Variants in SLC25A29 observed in about 807,000 individuals in gnomAD.
SLC25A29 encodes solute carrier family 25 member 29.
SLC25A29 carries 13 observed loss-of-function variants against 10.0 expected under a neutral mutation model. That is an observed-to-expected ratio of 1.30 (90% CI 0.85 to 2.07). The LOEUF (loss-of-function observed/expected upper bound fraction) is 2.07, where lower values mean the gene tolerates loss of function less well. Among genes scored for constraint, SLC25A29 ranks in the 30% most tolerant of loss-of-function variants. The pLI, the probability that SLC25A29 is intolerant of heterozygous loss-of-function variation, is 0.00. For missense variants in SLC25A29, 475 were observed against 447.6 expected (o/e 1.06, Z -0.55); for synonymous variants, 244 against 221.1 (o/e 1.10, Z -0.92).
At chr14:100,303,848 G>A (rs1892727567) in intron 1 of SLC25A29, among the ~76,000 whole-genome samples, 2 of 152,088 alleles carry the variant, frequency 1.3e-5, no homozygotes, top group Admixed American at 6.6e-5. Context: ...AGTGGAAGAG[G>A]CACCCTTCCC....
Position 100,292,927 on chromosome 14 carries a change from C to G in SLC25A29, c.268G>C (p.Asp90His). The stretch of plus-strand genomic sequence containing the variant: ...GCCAGGAACTGGTTGAGGGGCGAGT[C>G]GTGGCCCAGGGCCCGGAGGGTGTTG... ...QGNTLRALGHDSPLNQFLAGA... is the reference protein window; with the variant it reads ...QGNTLRALGHHSPLNQFLAGA... The change falls in exon 4 of 4, where the codon GAC becomes CAC. Residue 90 changes from aspartate (D) to histidine (H), a missense_variant. By Grantham distance (81) the Asp-to-His change is moderately conservative. Transcript: ENST00000359232. 1.2e-6 allele frequency: 2 copies of G among 1,607,810 alleles called. No individual in the cohort carries two copies. Among genetic ancestry groups the G allele is most frequent in the Non-Finnish European group, 1.7e-6 (2 of 1,178,072 alleles).
chr14:100,299,914 G>C (rs926793113), intron 1 of SLC25A29: 119 of 985,336 alleles, frequency 1.2e-4, no homozygotes, highest in Non-Finnish European at 1.4e-4. Context: ...GCCTGTGGAA[G>C]TTACTATGCA....
chr14:100,288,865 G>A (rs930329838), downstream of SLC25A29, among the ~76,000 whole-genome samples: 6 of 152,170 alleles, frequency 3.9e-5, no homozygotes, highest in South Asian at 4.1e-4. Flanking sequence ...AGAAAAATCC[G>A]TTCAAGTCCT....
rs749749088 is a variant in SLC25A29 at position 100,298,804 on chromosome 14, G to C, written c.78+38C>G. ...CCAACCCTGTGAGCCTCTCTCCAATGTACGCGCCGAGGAAAAAAAAGCAGC... is the reference window on the plus strand; with the variant it reads ...CCAACCCTGTGAGCCTCTCTCCAATCTACGCGCCGAGGAAAAAAAAGCAGC... On this transcript the variant is annotated intron_variant, in intron 2 of 3. Transcript: ENST00000359232. 4 of 1,613,844 alleles carry C rather than the reference G, an allele frequency of 2.5e-6. No homozygotes were observed. In the African/African-American group the frequency reaches 5.3e-5, roughly 22 times the overall value.
At chr14:100,296,107 A>T in intron 2 of SLC25A29, 1 of 1,074,194 alleles carries the variant, frequency 9.3e-7, no homozygotes, top group South Asian at 1.5e-5. Context: ...AGCTGCAATT[A>T]TATTCAACCA....
At chr14:100,286,043 C>T in the SLC25A29 span, among the ~76,000 whole-genome samples, 1 of 152,162 alleles carries the variant, frequency 6.6e-6, no homozygotes, top group Admixed American at 6.5e-5. Flanking sequence ...TCTGGAGCCA[C>T]TCCGGCCGCC....
chr14:100,303,616 T>C (rs1403519926), intron 1 of SLC25A29, among the ~76,000 whole-genome samples: 1 of 152,208 alleles, frequency 6.6e-6, no homozygotes, highest in Non-Finnish European at 1.5e-5. Context: ...GTGTGGGCTG[T>C]GGGGCCGGCC....
At chr14:100,304,118 C>T (rs1321160645) in intron 1 of SLC25A29, among the ~76,000 whole-genome samples, 2 of 152,140 alleles carry the variant, frequency 1.3e-5, no homozygotes, top group Non-Finnish European at 2.9e-5. Flanking sequence ...GGTGGACAGT[C>T]CCCCTCCCCA....
chr14:100,285,232 G>C, the SLC25A29 span, among the ~76,000 whole-genome samples: 6 of 152,100 alleles, frequency 3.9e-5, no homozygotes, highest in African/African-American at 1.4e-4. Flanking sequence ...CCAGCACTTA[G>C]CGCGGGCAGC....
At chr14:100,289,362 C>T (rs1295048050), downstream of SLC25A29, among the ~76,000 whole-genome samples, 2 of 152,184 alleles carry the variant, frequency 1.3e-5, no homozygotes, top group Non-Finnish European at 2.9e-5. Flanking sequence ...GATGTCCCTC[C>T]GCTGCTCCAT....
At chr14:100,297,531 T>C (rs770074000) in intron 2 of SLC25A29, among the ~76,000 whole-genome samples, 2 of 152,192 alleles carry the variant, frequency 1.3e-5, no homozygotes, top group African/African-American at 4.8e-5. Context: ...CCACGAGACA[T>C]AAACACAGTG....
Position 100,292,540 on chromosome 14 carries a change from C to G in SLC25A29, c.655G>C (p.Ala219Pro). 1.9e-6 allele frequency: 3 copies of G among 1,598,424 alleles called. No homozygotes were observed. Among genetic ancestry groups the G allele is most frequent in the Non-Finnish European group, 1.7e-6 (2 of 1,173,630 alleles). Residue 219 changes from alanine (A) to proline (P), a missense_variant, in exon 4 of 4, where the codon GCG (alanine) becomes CCG (proline). By Grantham distance (27) the Ala-to-Pro change is conservative. Coordinates refer to ENST00000359232, the MANE Select transcript of SLC25A29 (RefSeq NM_001039355.3). Reference protein sequence around the residue: ...PVDVVKSRLQADGLRGAPRYR... With the variant: ...PVDVVKSRLQPDGLRGAPRYR... ...CGCGGGGCGCCCCGCAGTCCGTCCG[C>G]CTGCAGCCGCGACTTGACCACGTCC...
downstream of SLC25A29, among the ~76,000 whole-genome samples, chr14:100,288,524 CGCCCTGGTGGCCCTCTTGAACGTCTG>C: frequency 6.6e-6 from 1 of 152,068 alleles, no homozygotes; most frequent in East Asian, 1.9e-4. Context: ...CCATGTGACC[CGCCCTGGTGGCCCTCTTGAACGTCTG>C]GCCCTGCTGT....
chr14:100,303,739 C>G (rs1013779614), intron 1 of SLC25A29, among the ~76,000 whole-genome samples: 1 of 152,190 alleles, frequency 6.6e-6, no homozygotes, highest in Non-Finnish European at 1.5e-5. Context: ...CTACTGTCCT[C>G]CCTAAGCTGG....
intron 2 of SLC25A29, chr14:100,295,606 T>C: frequency 7.8e-7 from 1 of 1,287,352 alleles, no homozygotes; most frequent in Middle Eastern, 2.3e-4. Context: ...TGGGATCTGG[T>C]TCACCTGGTC....
intron 1 of SLC25A29, among the ~76,000 whole-genome samples, chr14:100,304,576 G>A (rs1892786373): frequency 1.3e-5 from 2 of 151,862 alleles, no homozygotes; most frequent in South Asian, 2.1e-4. Context: ...TGGGGGCAGG[G>A]GGGTGGCCTG....
the SLC25A29 span, chr14:100,282,553 G>C: frequency 6.6e-6 from 1 of 152,182 alleles, no homozygotes; most frequent in East Asian, 1.9e-4. Context: ...CTGGCTCAAG[G>C]ACTTAGCATT....
the SLC25A29 span, chr14:100,281,621 T>C: frequency 1.3e-5 from 2 of 152,232 alleles, no homozygotes; most frequent in African/African-American, 2.4e-5. Flanking sequence ...CATGCACTTC[T>C]TAGCCTTCTC....
intron 2 of SLC25A29, among the ~76,000 whole-genome samples, chr14:100,296,812 A>C: frequency 6.6e-6 from 1 of 152,032 alleles, no homozygotes; most frequent in East Asian, 1.9e-4. Context: ...GTTAGCCAGG[A>C]TGGTCTTGAT....
Sources: gnomAD v4.1 joint callset for allele counts (sites outside exome capture counted in the v4.1 genomes callset) on GRCh38, gnomAD v4.1.1 for gene constraint, MANE v1.5 for transcripts, NCBI Gene and HGNC (gene_info 2026-07-23, HGNC 2026-07-21) for gene names.